Variants in SLC44A2 observed in about 807,000 individuals in gnomAD.
SLC44A2 encodes solute carrier family 44 member 2 (CTL2 blood group).
Under a neutral mutation model 90.8 loss-of-function variants are expected in SLC44A2, and 57 were observed. The observed-to-expected ratio is 0.63, with a 90% CI of 0.51 to 0.78. The LOEUF (loss-of-function observed/expected upper bound fraction) is 0.78. Ranked by LOEUF, SLC44A2 falls within the 30% of genes least tolerant of loss-of-function variation. The probability of loss-of-function intolerance (pLI) is 0.00; values close to 1 mark genes in which losing one functional copy is unlikely to be tolerated. For missense variants in SLC44A2, 794 were observed against 919.7 expected (o/e 0.86, Z 1.77); for synonymous variants, 355 against 360.7 (o/e 0.98, Z 0.18).
At chr19:10,618,878 C>T (rs751009685) in intron 1 of SLC44A2, among the ~76,000 whole-genome samples, 11 of 151,134 alleles carry the variant, frequency 7.3e-5, no homozygotes, top group Non-Finnish European at 1.6e-4. Context: ...CTGGCCTTTT[C>T]TTCCTAATAT....
chr19:10,636,302 G>T, intron 14 of SLC44A2, 21 bp from the exon 15 acceptor site: 1 of 1,598,044 alleles, frequency 6.3e-7, no homozygotes, highest in Non-Finnish European at 8.5e-7. Context: ...TTTGGACTCG[G>T]TTCTCCCTTC....
chr19:10,617,862 C>T (rs1023460750), intron 1 of SLC44A2, among the ~76,000 whole-genome samples: 1 of 152,184 alleles, frequency 6.6e-6, no homozygotes, highest in African/African-American at 2.4e-5. Flanking sequence ...TAGCTGACAC[C>T]AGAAACTTCC....
chr19:10,642,815 T>C (rs1231618616), intron 21 of SLC44A2: 2 of 1,466,442 alleles, frequency 1.4e-6, no homozygotes, highest in Admixed American at 2.5e-5. Flanking sequence ...CCTGCTGGCT[T>C]CCCTGTTCTT....
At position 10,642,382 on chromosome 19, in the gene SLC44A2, TC is replaced by T; in HGVS notation, c.1947del (p.Tyr650ThrfsTer2). 6.2e-7 allele frequency: 1 copy of T among 1,614,108 alleles called. No individual in the cohort carries two copies. Among genetic ancestry groups the T allele is most frequent in the Non-Finnish European group, 8.5e-7 (1 of 1,180,010 alleles). On this transcript the variant is annotated frameshift_variant, in exon 21 of 22. Transcript: ENST00000335757. LOFTEE classifies it high-confidence loss of function. ...WVPILTVIVGSYLIAHGFFSV... is the reference protein window; with the variant it reads ...WVPILTVIVGXYLIAHGFFSV... Reference sequence around the variant, plus strand: ...CCTTGCCCAGACGGTGATCGTTGGCTCCTACTTGATTGCACACGGTTTCTTC... The same window carrying T: ...CCTTGCCCAGACGGTGATCGTTGGCTCTACTTGATTGCACACGGTTTCTTC...
upstream of SLC44A2, among the ~76,000 whole-genome samples, chr19:10,620,928 A>G (rs1202239502): frequency 6.6e-6 from 1 of 152,046 alleles, no homozygotes; most frequent in Non-Finnish European, 1.5e-5. Context: ...AGTCACAGCT[A>G]CTTGGGAGGC....
chr19:10,640,562 G>A (rs528282582), intron 20 of SLC44A2, among the ~76,000 whole-genome samples: 7 of 152,210 alleles, frequency 4.6e-5, no homozygotes, highest in Admixed American at 3.9e-4. Context: ...AAAGTGCAAG[G>A]ACTACAGGCA....
chr19:10,625,741 T>A (rs1248792823), intron 1 of SLC44A2, 71 bp downstream of exon 1: 1 of 1,191,022 alleles, frequency 8.4e-7, no homozygotes, highest in Non-Finnish European at 1.1e-6. Context: ...TGAGAGAACA[T>A]GGGGCGCAGG....
chr19:10,619,837 C>T (rs959031552), intron 1 of SLC44A2, among the ~76,000 whole-genome samples: 3 of 152,074 alleles, frequency 2.0e-5, no homozygotes, highest in Non-Finnish European at 4.4e-5. Context: ...CACCTGTAGT[C>T]CCAGCTACTT....
chr19:10,643,244 C>A, intron 21 of SLC44A2, 35 bp from the exon 22 acceptor site: 1 of 1,592,088 alleles, frequency 6.3e-7, no homozygotes, highest in South Asian at 1.1e-5. Flanking sequence ...CGTGGGCTCC[C>A]CTCATGCCTC....
At chr19:10,640,313 AC>A (rs1019294061) in intron 20 of SLC44A2, among the ~76,000 whole-genome samples, 5 of 151,750 alleles carry the variant, frequency 3.3e-5, no homozygotes, top group African/African-American at 1.2e-4. Flanking sequence ...CTGGTCTCGA[AC>A]TCCTGACCTC....
At position 10,635,274 on chromosome 19, in the gene SLC44A2, T is replaced by A. The variant is rs769793122; in HGVS notation, c.1148+19T>A. 10 of 1,613,592 alleles carry A rather than the reference T, an allele frequency of 6.2e-6. No homozygotes were observed. The South Asian group carries it at 6.6e-5, about 11-fold the overall frequency. On this transcript the variant is annotated intron_variant, in intron 13 of 21. Coordinates refer to ENST00000335757, the MANE Select transcript of SLC44A2 (RefSeq NM_020428.4). ...CTGCTGTGTATCTGCCCCCAGACACTGATCTCTGACCCCAGGGATGGCTAA... is the reference window on the plus strand; with the variant it reads ...CTGCTGTGTATCTGCCCCCAGACACAGATCTCTGACCCCAGGGATGGCTAA...
intron 2 of SLC44A2, among the ~76,000 whole-genome samples, chr19:10,627,407 G>T (rs916427112): frequency 2.6e-5 from 4 of 151,932 alleles, no homozygotes; most frequent in Non-Finnish European, 5.9e-5. Context: ...AATGTGTGGT[G>T]GTGTGCACCT....
rs139615289 is a variant in SLC44A2, at chr19:10,641,503, C to A, written c.1930-864C>A. ...AGCTGAAAGCAGAAGGTCGATGGGGCATAAATTAGATTTAAGTCAGGACAA... is the reference window on the plus strand; with the variant it reads ...AGCTGAAAGCAGAAGGTCGATGGGGAATAAATTAGATTTAAGTCAGGACAA... On this transcript the variant is annotated intron_variant, in intron 20 of 21. Coordinates refer to ENST00000335757, the MANE Select transcript of SLC44A2 (RefSeq NM_020428.4). 675 of 420,270 alleles carry A rather than the reference C, an allele frequency of 1.6e-3. 6 individuals carry two copies. Among genetic ancestry groups the A allele is most frequent in the African/African-American group, 0.013 (621 of 47,604 alleles). The allele number at this position is 420,270 out of a possible 1,614,324, so 26.0% of individuals were successfully genotyped here. A position where few individuals can be genotyped will look rare whatever the true frequency, so the allele number is the denominator to read the frequency against.
Position 10,631,504 on chromosome 19 carries a change from C to T in SLC44A2, c.471C>T (p.Asp157=). The T allele has an allele frequency of 6.2e-7, 1 of 1,614,062 alleles. No homozygotes were observed. The highest frequency in any genetic ancestry group is 8.5e-7 in the Non-Finnish European group (1 of 1,180,036). ...TGGCTGAGGTGCTTCAAGATGGTGA[C>T]TGCCCTGCTGTCCTCATCCCCAGCA... ...KGVAEVLQDG[D]CPAVLIPSKP... is the part of the protein sequence containing the mutation. The change falls in exon 7 of 22, where the codon GAC becomes GAT. Residue 157 remains aspartate (D), a synonymous_variant. Transcript: ENST00000335757.
chr19:10,629,792 C>T (rs1295632805), intron 4 of SLC44A2, among the ~76,000 whole-genome samples: 1 of 150,428 alleles, frequency 6.6e-6, no homozygotes. Context: ...CTCGCTCTGT[C>T]GCCCAGGCTG....
chr19:10,635,365 A>T lies in SLC44A2; in HGVS notation c.1149-66A>T, dbSNP rs544416564. 6 of 1,605,220 alleles carry T rather than the reference A, an allele frequency of 3.7e-6. No individual in the cohort carries two copies. In the African/African-American group the frequency reaches 5.3e-5, roughly 14 times the overall value. On this transcript the variant is annotated intron_variant, in intron 13 of 21. Coordinates refer to ENST00000335757, the MANE Select transcript of SLC44A2 (RefSeq NM_020428.4). ...GGGCTGGAAACTGGTGGGAGAATGGATTCTTTCCCACAAAAGTCCCTGGGG... is the reference window on the plus strand; with the variant it reads ...GGGCTGGAAACTGGTGGGAGAATGGTTTCTTTCCCACAAAAGTCCCTGGGG...
chr19:10,619,075 ATC>A (rs1289049374), intron 1 of SLC44A2, among the ~76,000 whole-genome samples: 11 of 147,520 alleles, frequency 7.5e-5, no homozygotes, highest in African/African-American at 2.8e-4. Flanking sequence ...GGCTGACGTG[ATC>A]CTCCCACCCT....
In SLC44A2 at chr19:10,625,675, G is replaced by A; in HGVS notation, c.37+5G>A. ...CCCACTACTACGGGAAACACGGTAG[G>A]CAGCGACCCCCGCCCGTAGCCCCGG... On this transcript the variant is annotated splice_donor_5th_base_variant and intron_variant, in intron 1 of 21. Transcript: ENST00000335757. 1 of 1,250,044 alleles carries A rather than the reference G, an allele frequency of 8.0e-7. No individual in the cohort carries two copies. Among genetic ancestry groups the A allele is most frequent in the East Asian group, 3.1e-5 (1 of 31,784 alleles). The allele number at this position is 1,250,044 out of a possible 1,614,324, so 77.4% of individuals were successfully genotyped here.
At position 10,637,625 on chromosome 19, in the gene SLC44A2, C is replaced by T. The variant is rs1050159735; in HGVS notation, c.1592-19C>T. Reference sequence around the variant, plus strand: ...GGCTGGTGTCCCCTCACTTCCACATCCCTTCCCTTCTCTTCCAGCTGCAGA... The same window carrying T: ...GGCTGGTGTCCCCTCACTTCCACATTCCTTCCCTTCTCTTCCAGCTGCAGA... On this transcript the variant is annotated intron_variant, in intron 16 of 21. Coordinates refer to ENST00000335757, the MANE Select transcript of SLC44A2 (RefSeq NM_020428.4). 7.5e-6 allele frequency: 12 copies of T among 1,610,458 alleles called. No individual in the cohort carries two copies. Among genetic ancestry groups the T allele is most frequent in the Middle Eastern group, 1.7e-4 (1 of 5,904 alleles).
Sources: allele counts gnomAD v4.1 joint callset (sites outside exome capture counted in the v4.1 genomes callset), GRCh38; gene constraint gnomAD v4.1.1; transcripts MANE v1.5; gene names NCBI Gene and HGNC (gene_info 2026-07-23, HGNC 2026-07-21).